Variants in RANBP2 observed in about 807,000 individuals in gnomAD.
RANBP2 encodes the protein RAN binding protein 2, also known as E3 SUMO-protein ligase RanBP2.
In RANBP2, 57 loss-of-function variants were observed where a neutral mutation model predicts 303.6. The ratio of observed to expected loss-of-function variants is 0.19; its 90% CI spans 0.15 to 0.23. The LOEUF is 0.23. RANBP2 is among the 10% of genes least tolerant of loss of function. The pLI, the probability that RANBP2 is intolerant of heterozygous loss-of-function variation, is 1.00. For missense variants in RANBP2, 3,138 were observed against 3,780.8 expected, an observed-to-expected ratio of 0.83 and a Z score of 4.46; for synonymous variants, 1,167 against 1,301.5, an observed-to-expected ratio of 0.90 and a Z score of 2.23.
intron 28 of RANBP2, 26 bp from the exon 29 acceptor site, chr2:108,783,569 CT>C (rs1558944108): frequency 6.4e-7 from 1 of 1,563,464 alleles, no homozygotes. Context: ...AAATTTTTAA[CT>C]TTTTTATTAT....
chr2:109,334,031 C>G, the RANBP2 span, among the ~76,000 whole-genome samples: 4 of 152,126 alleles, frequency 2.6e-5, no homozygotes, highest in Non-Finnish European at 5.9e-5. Context: ...AAAGTCCAGT[C>G]GCTTCCTCAA....
chr2:109,679,665 A>G, the RANBP2 span, among the ~76,000 whole-genome samples: 572 of 152,226 alleles, frequency 3.8e-3, 1 homozygote, highest in Non-Finnish European at 5.2e-3. Context: ...TCCAAACCCC[A>G]CATTGCCTCA....
chr2:109,620,805 G>A, the RANBP2 span, among the ~76,000 whole-genome samples: 1 of 152,160 alleles, frequency 6.6e-6, no homozygotes, highest in East Asian at 1.9e-4. Context: ...GTACTGTCAG[G>A]TATACAAATG....
Position 108,783,942 on chromosome 2 carries a change from T to A in RANBP2, c.*41T>A, listed in dbSNP as rs757372213. ...TAGAAAATTTCATCTGTATAAGCAG[T>A]TGGATTGAAGCTTAGCTATTACAAT... On this transcript the variant is annotated 3_prime_UTR_variant, in exon 29 of 29. Coordinates refer to ENST00000283195, the MANE Select transcript of RANBP2 (RefSeq NM_006267.5). 6.5e-7 allele frequency: 1 copy of A among 1,541,666 alleles called. No individual in the cohort carries two copies. Among genetic ancestry groups the A allele is most frequent in the Non-Finnish European group, 8.9e-7 (1 of 1,118,248 alleles).
At chr2:108,984,114 C>T in the RANBP2 span, among the ~76,000 whole-genome samples, 149 of 152,278 alleles carry the variant, frequency 9.8e-4, 1 homozygote, top group African/African-American at 3.5e-3. Context: ...TAATTTTTCT[C>T]AGAATGGATC....
the RANBP2 span, chr2:109,432,763 C>T: frequency 7.1e-5 from 105 of 1,469,616 alleles, no homozygotes; most frequent in Non-Finnish European, 8.7e-5. Context: ...ACTCTGTCAG[C>T]CGGGCCCAGA....
At chr2:109,504,247 A>C in the RANBP2 span, 1 of 152,232 alleles carries the variant, frequency 6.6e-6, no homozygotes, top group Non-Finnish European at 1.5e-5. Flanking sequence ...TACACATCTT[A>C]GCCATGTAGT....
At chr2:109,261,152 G>T in the RANBP2 span, among the ~76,000 whole-genome samples, 1 of 152,108 alleles carries the variant, frequency 6.6e-6, no homozygotes, top group Non-Finnish European at 1.5e-5. Context: ...CTGTTGTGTG[G>T]ACACATCAAC....
chr2:108,743,096 C>T (rs539333146), intron 7 of RANBP2, among the ~76,000 whole-genome samples: 2 of 152,252 alleles, frequency 1.3e-5, no homozygotes, highest in South Asian at 4.1e-4. Flanking sequence ...GCCAATAGTT[C>T]TTATTTTTAA....
chr2:108,887,555 A>C, the RANBP2 span, among the ~76,000 whole-genome samples: 2 of 152,058 alleles, frequency 1.3e-5, no homozygotes, highest in African/African-American at 4.8e-5. Flanking sequence ...TTCTTTCATC[A>C]GTGTTTTATA....
At chr2:109,738,815 T>G in the RANBP2 span, among the ~76,000 whole-genome samples, 3 of 146,282 alleles carry the variant, frequency 2.1e-5, no homozygotes, top group Non-Finnish European at 3.0e-5. Flanking sequence ...CTCAAGAAAT[T>G]TTTGAGTAAT....
At chr2:109,675,510 C>T in the RANBP2 span, among the ~76,000 whole-genome samples, 1 of 152,082 alleles carries the variant, frequency 6.6e-6, no homozygotes, top group African/African-American at 2.4e-5. Flanking sequence ...AGTGAAACCC[C>T]GTCTCTACTA....
chr2:109,609,377 A>G, the RANBP2 span, among the ~76,000 whole-genome samples: 2 of 152,214 alleles, frequency 1.3e-5, no homozygotes, highest in Non-Finnish European at 2.9e-5. Context: ...AGATCATTTA[A>G]TTAAGGACGA....
At chr2:108,988,821 T>C in the RANBP2 span, 1 of 152,180 alleles carries the variant, frequency 6.6e-6, no homozygotes, top group Non-Finnish European at 1.5e-5. Context: ...CATACTGCAA[T>C]CGGTAAAGCT....
chr2:109,673,067 C>T, the RANBP2 span, among the ~76,000 whole-genome samples: 1 of 152,132 alleles, frequency 6.6e-6, no homozygotes, highest in Non-Finnish European at 1.5e-5. Context: ...AATTACGTAG[C>T]TGTAGAGCAG....
chr2:108,788,846 T>C, downstream of RANBP2: 1 of 1,614,030 alleles, frequency 6.2e-7, no homozygotes, highest in Non-Finnish European at 8.5e-7. Context: ...TCTTTGTCGT[T>C]GACAGGTGAT....
At chr2:109,335,334 T>A in the RANBP2 span, among the ~76,000 whole-genome samples, 6 of 152,220 alleles carry the variant, frequency 3.9e-5, no homozygotes, top group South Asian at 6.2e-4. Flanking sequence ...AGTTTCCACA[T>A]TGAAAACTCT....
At chr2:109,249,523 C>G in the RANBP2 span, among the ~76,000 whole-genome samples, 1 of 107,346 alleles carries the variant, frequency 9.3e-6, no homozygotes, top group East Asian at 2.8e-4. Flanking sequence ...CTTTCTTTTT[C>G]TTTCTTTCTT....
the RANBP2 span, among the ~76,000 whole-genome samples, chr2:108,933,669 T>C: frequency 6.6e-6 from 1 of 152,182 alleles, no homozygotes; most frequent in Non-Finnish European, 1.5e-5. Flanking sequence ...AAACACTAAA[T>C]GGACTGAGGC....
Sources: allele counts gnomAD v4.1 joint callset (sites outside exome capture counted in the v4.1 genomes callset), GRCh38; gene constraint gnomAD v4.1.1; transcripts MANE v1.5; gene names NCBI Gene and HGNC (gene_info 2026-07-23, HGNC 2026-07-21).